TDP1: variants seen among roughly 807,000 people sequenced by gnomAD.
TDP1 encodes tyr-DNA phosphodiesterase 1.
In TDP1, 64 loss-of-function variants were observed where a neutral mutation model predicts 81.5. That is an observed-to-expected ratio of 0.79 (90% CI 0.64 to 0.97). TDP1 has a LOEUF of 0.97. Ranked by LOEUF, TDP1 falls within the 50% of genes least tolerant of loss-of-function variation. The pLI is 0.00. For synonymous variants in TDP1, 256 were observed against 264.3 expected, an observed-to-expected ratio of 0.97 and a Z score of 0.30; for missense variants, 723 against 743.8, an observed-to-expected ratio of 0.97 and a Z score of 0.33.
At chr14:89,969,871 TA>T (rs1893391417) in intron 5 of TDP1, among the ~76,000 whole-genome samples, 2 of 125,360 alleles carry the variant, frequency 1.6e-5, no homozygotes, top group African/African-American at 6.3e-5. Flanking sequence ...GAAATATACT[TA>T]TTTCTTTTTT....
At chr14:90,007,218 G>C (rs1280135153) in intron 14 of TDP1, among the ~76,000 whole-genome samples, 1 of 152,048 alleles carries the variant, frequency 6.6e-6, no homozygotes, top group East Asian at 1.9e-4. Context: ...CTGGCAATAA[G>C]CTCTTATTTG....
At chr14:90,035,748 T>A (rs893499131) in intron 16 of TDP1, among the ~76,000 whole-genome samples, 5 of 151,254 alleles carry the variant, frequency 3.3e-5, no homozygotes, top group Non-Finnish European at 5.9e-5. Context: ...TTTTTTTTTT[T>A]AACCCAAGTT....
At chr14:89,993,222 G>C in intron 13 of TDP1, 154 bp from the exon 14 acceptor site, 1 of 883,148 alleles carries the variant, frequency 1.1e-6, no homozygotes, top group Non-Finnish European at 1.4e-6. Context: ...TGCGTTACTT[G>C]AATGGAGTTT....
At chr14:89,993,519 T>C in intron 14 of TDP1, 36 bp downstream of exon 14, 2 of 1,606,722 alleles carry the variant, frequency 1.2e-6, no homozygotes, top group South Asian at 1.1e-5. Flanking sequence ...GGAGAAATCT[T>C]TTTAATGTGT....
intron 15 of TDP1, among the ~76,000 whole-genome samples, chr14:90,025,718 A>G (rs1440917801): frequency 5.3e-5 from 8 of 152,232 alleles, no homozygotes; most frequent in Non-Finnish European, 1.2e-4. Flanking sequence ...CGGTTCAGAA[A>G]GTCTCAATAT....
chr14:89,976,543 T>TA (rs562094012), intron 7 of TDP1, among the ~76,000 whole-genome samples: 3,947 of 138,078 alleles, frequency 0.029, 78 homozygotes, highest in African/African-American at 0.064. Context: ...TTTTTTTTTT[T>TA]TTTTTTTTTT....
At chr14:90,023,139 G>C in intron 15 of TDP1, 1 of 731,912 alleles carries the variant, frequency 1.4e-6, no homozygotes, top group South Asian at 1.4e-5. Context: ...CAACAACTAG[G>C]GTGTGGGGCA....
rs565428042 is a variant in TDP1, at chr14:89,993,303, T to A, written c.1434-73T>A. 268 of 1,350,464 alleles carry A rather than the reference T, an allele frequency of 2.0e-4. 1 individual carries two copies. In the East Asian group the frequency reaches 6.4e-3, roughly 32 times the overall value. 83.7% of individuals were successfully genotyped at this position (1,350,464 alleles called of 1,614,324 possible). A position where few individuals can be genotyped will look rare whatever the true frequency, so the allele number is the denominator to read the frequency against. ...TTAGATAATAGGCTCTTTGTTTTCA[T>A]GCAGTTTCCTAATATTAGGATTATG... On this transcript the variant is annotated intron_variant, in intron 13 of 16. Transcript: ENST00000335725.
At chr14:89,960,534 G>T (rs992197063) in intron 2 of TDP1, among the ~76,000 whole-genome samples, 4 of 152,152 alleles carry the variant, frequency 2.6e-5, no homozygotes, top group Non-Finnish European at 4.4e-5. Context: ...ACAGAGTGTA[G>T]AAATAAATAG....
In TDP1 at chr14:90,020,800, CTT is replaced by C. The variant is rs869215666; in HGVS notation, c.1644+1395_1644+1396del. On this transcript the variant is annotated intron_variant, in intron 15 of 16. Coordinates refer to ENST00000335725, the MANE Select transcript of TDP1 (RefSeq NM_018319.4). ...AGACTTCAATCTGGACTAATCCAGT[CTT>C]TTTTTTTTTTTTAGACAGAGTCTCG... 3.5e-3 allele frequency among the ~76,000 whole-genome samples: 427 copies of C among 122,978 alleles called. 10 individuals are homozygous for C. The highest frequency in any genetic ancestry group is 0.012 in the African/African-American group (346 of 29,840). 80.7% of individuals were successfully genotyped at this position (122,978 alleles called of 152,430 possible).
intron 14 of TDP1, among the ~76,000 whole-genome samples, chr14:89,998,372 T>TTATATATATATATATATA (rs58264054): frequency 1.7e-4 from 9 of 53,126 alleles, no homozygotes; most frequent in Non-Finnish European, 2.2e-4. Context: ...TCCAAGCACA[T>TTATATATATATATATATA]TATATATATA....
rs1420281292 is a variant in TDP1, at chr14:90,043,948, C to T, written c.*805C>T. ...CTCTCTCAGCTTTCTGAGTACGTCTCTTGGGGTCGCTGGAGGTGATCCTAG... is the reference window on the plus strand; with the variant it reads ...CTCTCTCAGCTTTCTGAGTACGTCTTTTGGGGTCGCTGGAGGTGATCCTAG... On this transcript the variant is annotated 3_prime_UTR_variant, in exon 17 of 17. Transcript: ENST00000335725. 6.6e-6 allele frequency: 1 copy of T among 152,284 alleles called. No individual in the cohort carries two copies. Among genetic ancestry groups the T allele is most frequent in the African/African-American group, 2.4e-5 (1 of 41,440 alleles). 9.4% of individuals were successfully genotyped at this position (152,284 alleles called of 1,614,324 possible). A position where few individuals can be genotyped will look rare whatever the true frequency, so the allele number is the denominator to read the frequency against.
chr14:89,974,366 A>G (rs765950805), intron 6 of TDP1, among the ~76,000 whole-genome samples: 5 of 152,182 alleles, frequency 3.3e-5, no homozygotes, highest in Non-Finnish European at 7.4e-5. Context: ...GCTAAATATC[A>G]GTTTATAGAG....
intron 16 of TDP1, among the ~76,000 whole-genome samples, chr14:90,042,560 A>AG: frequency 6.6e-6 from 1 of 152,192 alleles, no homozygotes; most frequent in Non-Finnish European, 1.5e-5. Flanking sequence ...TTTATAAAGG[A>AG]AAGAGGTTTA....
chr14:89,967,490 T>TACAAA, intron 5 of TDP1, 68 bp downstream of exon 5: 2 of 1,350,862 alleles, frequency 1.5e-6, no homozygotes, highest in South Asian at 1.2e-5. Flanking sequence ...AGATTTGTAT[T>TACAAA]TCTCAGGTGA....
intron 2 of TDP1, among the ~76,000 whole-genome samples, chr14:89,960,402 A>G (rs1420693856): frequency 6.6e-6 from 1 of 152,212 alleles, no homozygotes; most frequent in Non-Finnish European, 1.5e-5. Flanking sequence ...AGACCCCTTT[A>G]ACCATGACAA....
At chr14:90,005,838 T>C (rs868296319) in intron 14 of TDP1, among the ~76,000 whole-genome samples, 7 of 152,380 alleles carry the variant, frequency 4.6e-5, no homozygotes, top group Middle Eastern at 3.4e-3. Flanking sequence ...TCAAATTATT[T>C]GGTATAGTAT....
chr14:89,965,742 T>C (rs1892868881), intron 3 of TDP1: 1 of 983,780 alleles, frequency 1.0e-6, no homozygotes, highest in African/African-American at 1.7e-5. Flanking sequence ...ACTGTCCACA[T>C]TTATAAAATC....
chr14:90,043,404 C>CT lies in TDP1; in HGVS notation c.*263dup, dbSNP rs1192595122. The CT allele has an allele frequency of 5.4e-6, 3 of 551,834 alleles. No homozygotes were observed. The highest frequency in any genetic ancestry group is 9.7e-6 in the Non-Finnish European group (3 of 309,084). 34.2% of individuals were successfully genotyped at this position (551,834 alleles called of 1,614,324 possible). A position where few individuals can be genotyped will look rare whatever the true frequency, so the allele number is the denominator to read the frequency against. On this transcript the variant is annotated 3_prime_UTR_variant, in exon 17 of 17. Coordinates refer to ENST00000335725, the MANE Select transcript of TDP1 (RefSeq NM_018319.4). ...TTCTCTATGTTAAAAATACGTACTG[C>CT]TTGAGTATCCCCTGTCTGAAATGCT...
Sources: gnomAD v4.1 joint callset for allele counts (sites outside exome capture counted in the v4.1 genomes callset) on GRCh38, gnomAD v4.1.1 for gene constraint, MANE v1.5 for transcripts, NCBI Gene and HGNC (gene_info 2026-07-23, HGNC 2026-07-21) for gene names.